The following FBXO34 variants were observed in gnomAD, a reference collection of about 807,000 sequenced individuals.
FBXO34 encodes the protein F-box only protein 34.
A neutral mutation model predicts 24.5 loss-of-function variants in FBXO34; 12 were observed. The observed-to-expected ratio is 0.49, with a 90% CI of 0.31 to 0.79. The LOEUF (loss-of-function observed/expected upper bound fraction) is 0.79, where lower values mean the gene tolerates loss of function less well. Among genes scored for constraint, FBXO34 ranks in the 30% least tolerant of loss-of-function variants. The pLI, the probability that FBXO34 is intolerant of heterozygous loss-of-function variation, is 0.04. For synonymous variants in FBXO34, 320 were observed against 311.9 expected, an observed-to-expected ratio of 1.03 and a Z score of -0.27; for missense variants, 823 against 857.7, an observed-to-expected ratio of 0.96 and a Z score of 0.51.
At chr14:55,373,736 G>C (rs1020886530), downstream of FBXO34, among the ~76,000 whole-genome samples, 1 of 151,986 alleles carries the variant, frequency 6.6e-6, no homozygotes, top group East Asian at 1.9e-4. Flanking sequence ...TGGGATTACA[G>C]GTGTGAGCCA....
intron 1 of FBXO34, among the ~76,000 whole-genome samples, chr14:55,278,557 CAT>C (rs996085859): frequency 2.0e-5 from 3 of 152,150 alleles, no homozygotes; most frequent in Non-Finnish European, 2.9e-5. Flanking sequence ...TTTGTGTTCA[CAT>C]GTTTGTTGCA....
intron 3 of FBXO34, among the ~76,000 whole-genome samples, chr14:55,360,311 G>T (rs940313377): frequency 6.6e-6 from 1 of 152,122 alleles, no homozygotes; most frequent in Non-Finnish European, 1.5e-5. Flanking sequence ...GATCTCAGGT[G>T]ATCTGCCCGC....
downstream of FBXO34, among the ~76,000 whole-genome samples, chr14:55,371,459 A>T (rs545527705): frequency 6.6e-6 from 1 of 152,296 alleles, no homozygotes; most frequent in Admixed American, 6.5e-5. Flanking sequence ...ATTAAATTGG[A>T]AGATACGCCA....
At chr14:55,421,323 TC>T in the FBXO34 span, among the ~76,000 whole-genome samples, 1 of 152,198 alleles carries the variant, frequency 6.6e-6, no homozygotes, top group Non-Finnish European at 1.5e-5. Flanking sequence ...TCTCACTTCC[TC>T]TAGGACATGT....
the FBXO34 span, among the ~76,000 whole-genome samples, chr14:55,427,433 G>GAAAGGAAAGCT: frequency 6.6e-6 from 1 of 152,180 alleles, no homozygotes; most frequent in Admixed American, 6.5e-5. Flanking sequence ...GATCATATCT[G>GAAAGGAAAGCT]AAAGGAAAGC....
downstream of FBXO34, chr14:55,369,584 T>C (rs1566575749): frequency 6.9e-7 from 1 of 1,458,258 alleles, no homozygotes; most frequent in Non-Finnish European, 9.1e-7. Context: ...AAGAACTTTC[T>C]TGATGCAGAT....
rs188759982 is a variant in FBXO34 at position 55,293,041 on chromosome 14, C to G, written c.-11+21504C>G. Among the ~76,000 whole-genome samples the G allele has an allele frequency of 2.3e-3, 348 of 152,264 alleles. 1 individual carries two copies. Among genetic ancestry groups the G allele is most frequent in the African/African-American group, 8.2e-3 (340 of 41,536 alleles). On this transcript the variant is annotated intron_variant, in intron 1 of 1. Coordinates refer to ENST00000313833, the MANE Select transcript of FBXO34 (RefSeq NM_017943.4). Reference sequence around the variant, plus strand: ...GGGATTACAGGCGTGTGCCACCACACCCGGCTAATTTTTGTATTGGTAGTA... The same window carrying G: ...GGGATTACAGGCGTGTGCCACCACAGCCGGCTAATTTTTGTATTGGTAGTA...
chr14:55,283,277 CT>C (rs927023865), intron 1 of FBXO34, among the ~76,000 whole-genome samples: 2 of 125,432 alleles, frequency 1.6e-5, no homozygotes, highest in African/African-American at 5.6e-5. Flanking sequence ...TGATAAAAAG[CT>C]AAAAAAAAAT....
chr14:55,293,818 A>G (rs1217265742), intron 1 of FBXO34, among the ~76,000 whole-genome samples: 1 of 144,950 alleles, frequency 6.9e-6, no homozygotes, highest in East Asian at 2.0e-4. Context: ...GAATGAATGA[A>G]TTTTTATGAA....
chr14:55,322,459 G>A (rs2026633), intron 1 of FBXO34, among the ~76,000 whole-genome samples: 46,016 of 151,976 alleles, frequency 0.3, 7,265 homozygotes, highest in Non-Finnish European at 0.34. Flanking sequence ...CCCCACCATT[G>A]GCTTCAGTAA....
chr14:55,320,712 C>G (rs1883101555), intron 1 of FBXO34, among the ~76,000 whole-genome samples: 1 of 152,064 alleles, frequency 6.6e-6, no homozygotes, highest in Non-Finnish European at 1.5e-5. Context: ...AAGTCGAGAT[C>G]TGCCACTGCA....
downstream of FBXO34, chr14:55,355,207 C>CT (rs1890355209): frequency 1.3e-5 from 2 of 152,356 alleles, no homozygotes. Context: ...GAATTGAAAG[C>CT]TAAGGAGGGG....
At chr14:55,281,554 C>T (rs916484032) in intron 1 of FBXO34, among the ~76,000 whole-genome samples, 2 of 152,194 alleles carry the variant, frequency 1.3e-5, no homozygotes, top group Non-Finnish European at 2.9e-5. Context: ...CACCCTTCCT[C>T]TTCATTTTCT....
chr14:55,407,372 GC>G, the FBXO34 span, among the ~76,000 whole-genome samples: 2 of 152,068 alleles, frequency 1.3e-5, no homozygotes, highest in Non-Finnish European at 2.9e-5. Flanking sequence ...CTTGTAATCT[GC>G]CCGCCTCAGC....
downstream of FBXO34, among the ~76,000 whole-genome samples, chr14:55,364,386 CTCTT>C (rs1385454520): frequency 5.9e-5 from 9 of 152,258 alleles, no homozygotes; most frequent in East Asian, 1.5e-3. Flanking sequence ...GTTTACTATC[CTCTT>C]TCTTGGAGGA....
the FBXO34 span, among the ~76,000 whole-genome samples, chr14:55,391,844 A>G: frequency 6.6e-6 from 1 of 152,210 alleles, no homozygotes; most frequent in Non-Finnish European, 1.5e-5. Context: ...CCAATAAGCA[A>G]CTAGTACTTG....
At chr14:55,284,513 CAA>C (rs777112072) in intron 1 of FBXO34, among the ~76,000 whole-genome samples, 31 of 84,132 alleles carry the variant, frequency 3.7e-4, no homozygotes, top group African/African-American at 9.7e-4. Flanking sequence ...CCTCTGTCTC[CAA>C]AAAAAAAAAA....
At chr14:55,420,574 G>A in the FBXO34 span, among the ~76,000 whole-genome samples, 1 of 152,282 alleles carries the variant, frequency 6.6e-6, no homozygotes, top group East Asian at 1.9e-4. Context: ...AGTATAAGCA[G>A]AATTTGGATT....
downstream of FBXO34, among the ~76,000 whole-genome samples, chr14:55,362,737 TG>T (rs1404145550): frequency 6.6e-6 from 1 of 152,222 alleles, no homozygotes; most frequent in Non-Finnish European, 1.5e-5. Context: ...AGCCTTGGGT[TG>T]GGAGGTCTTT....
Sources: allele counts gnomAD v4.1 joint callset (sites outside exome capture counted in the v4.1 genomes callset), GRCh38; gene constraint gnomAD v4.1.1; transcripts MANE v1.5; gene names NCBI Gene and HGNC (gene_info 2026-07-23, HGNC 2026-07-21).